The following SCD5 variants were observed in gnomAD, a reference collection of about 807,000 sequenced individuals.
The protein encoded by SCD5 is acyl-CoA-desaturase 4.
In SCD5, 20 loss-of-function variants were observed where a neutral mutation model predicts 30.4. The observed-to-expected ratio is 0.66, with a 90% CI of 0.46 to 0.96. The LOEUF is 0.96. Among genes scored for constraint, SCD5 ranks in the 40% least tolerant of loss-of-function variants. The probability of loss-of-function intolerance (pLI) is 0.00; values close to 1 mark genes in which losing one functional copy is unlikely to be tolerated. For synonymous variants in SCD5, 173 were observed against 176.4 expected (o/e 0.98, Z 0.16); for missense variants, 381 against 443.3 (o/e 0.86, Z 1.26).
At chr4:82,640,280 G>C (rs564686080) in intron 3 of SCD5, among the ~76,000 whole-genome samples, 4 of 152,168 alleles carry the variant, frequency 2.6e-5, no homozygotes, top group Non-Finnish European at 5.9e-5. Flanking sequence ...CCCTGTGGAC[G>C]GACAGCACTA....
chr4:82,774,178 G>A (rs941492289), intron 1 of SCD5, among the ~76,000 whole-genome samples: 5 of 151,026 alleles, frequency 3.3e-5, no homozygotes, highest in African/African-American at 1.2e-4. Context: ...TGTGCATGAG[G>A]ATGAAGCTAC....
intron 2 of SCD5, among the ~76,000 whole-genome samples, chr4:82,691,417 G>C (rs72661264): frequency 2.0e-5 from 3 of 152,292 alleles, no homozygotes; most frequent in Non-Finnish European, 4.4e-5. Flanking sequence ...CAGGTAGAGG[G>C]AAGGACTTGG....
intron 1 of SCD5, among the ~76,000 whole-genome samples, chr4:82,731,326 G>A (rs1036092838): frequency 6.6e-6 from 1 of 152,194 alleles, no homozygotes; most frequent in Non-Finnish European, 1.5e-5. Flanking sequence ...GACAGCCTTG[G>A]GGAGCCCATC....
chr4:82,722,094 G>A lies in SCD5; in HGVS notation c.233-16681C>T, dbSNP rs115288852. Among the ~76,000 whole-genome samples the A allele has an allele frequency of 6.5e-3, 991 of 152,306 alleles. 6 individuals are homozygous for A. Among genetic ancestry groups the A allele is most frequent in the African/African-American group, 0.023 (952 of 41,566 alleles). ...GTGTTTATTTATTACTATAAAAAGA[G>A]TCAAGCTGCACCTCTGTAGAAGATT... On this transcript the variant is annotated intron_variant, in intron 1 of 4. Transcript: ENST00000319540.
chr4:82,749,069 A>G (rs1560552205), intron 1 of SCD5, among the ~76,000 whole-genome samples: 1 of 152,226 alleles, frequency 6.6e-6, no homozygotes, highest in Non-Finnish European at 1.5e-5. Context: ...ACAAGTTTTT[A>G]TTAGTTTTAC....
chr4:82,732,594 C>T (rs1309201814), intron 1 of SCD5, among the ~76,000 whole-genome samples: 1 of 152,178 alleles, frequency 6.6e-6, no homozygotes, highest in Non-Finnish European at 1.5e-5. Flanking sequence ...CACCTTGTGC[C>T]TTGAGTTGCT....
intron 3 of SCD5, among the ~76,000 whole-genome samples, chr4:82,653,383 C>A (rs1727795573): frequency 6.6e-6 from 1 of 152,136 alleles, no homozygotes; most frequent in Non-Finnish European, 1.5e-5. Context: ...TAGACTCTCT[C>A]CCTGCCCGAG....
chr4:82,689,885 A>G (rs1560534686), intron 2 of SCD5, among the ~76,000 whole-genome samples: 1 of 152,230 alleles, frequency 6.6e-6, no homozygotes, highest in Non-Finnish European at 1.5e-5. Flanking sequence ...ATGCTAATGT[A>G]GTACTCCCAC....
intron 1 of SCD5, among the ~76,000 whole-genome samples, chr4:82,760,972 G>C (rs62311847): frequency 6.6e-6 from 1 of 152,210 alleles, no homozygotes. Flanking sequence ...GCCATTGGGA[G>C]AATTCAGAAT....
chr4:82,700,247 T>TA (rs1719790690), intron 2 of SCD5, among the ~76,000 whole-genome samples: 1 of 151,780 alleles, frequency 6.6e-6, no homozygotes, highest in South Asian at 2.1e-4. Flanking sequence ...AGAAAATATT[T>TA]AAGTAATAAT....
chr4:82,714,379 G>C (rs1314306705), intron 1 of SCD5, among the ~76,000 whole-genome samples: 1 of 152,144 alleles, frequency 6.6e-6, no homozygotes, highest in Non-Finnish European at 1.5e-5. Context: ...TCCAGGTCCA[G>C]ACAAGATAGG....
chr4:82,730,961 GAGCTGAC>G (rs1720631761), intron 1 of SCD5, among the ~76,000 whole-genome samples: 1 of 152,178 alleles, frequency 6.6e-6, no homozygotes, highest in South Asian at 2.1e-4. Context: ...CTCCAATCAA[GAGCTGAC>G]AGTCTCAAAA....
chr4:82,681,700 T>C (rs141159852), intron 2 of SCD5, among the ~76,000 whole-genome samples: 131 of 152,190 alleles, frequency 8.6e-4, no homozygotes, highest in African/African-American at 3.0e-3. Flanking sequence ...ACCTGGGTGA[T>C]GAAATAATCT....
chr4:82,647,052 T>C (rs1040365396), intron 3 of SCD5, among the ~76,000 whole-genome samples: 1 of 152,234 alleles, frequency 6.6e-6, no homozygotes, highest in Non-Finnish European at 1.5e-5. Context: ...CTCGAACTCC[T>C]GGCCTCTAGT....
At chr4:82,650,237 T>G (rs1447624804) in intron 3 of SCD5, among the ~76,000 whole-genome samples, 1 of 152,186 alleles carries the variant, frequency 6.6e-6, no homozygotes, top group African/African-American at 2.4e-5. Context: ...ATGAAGCTTA[T>G]AGTCTAATGA....
intron 3 of SCD5, among the ~76,000 whole-genome samples, chr4:82,637,996 C>T (rs1292415195): frequency 6.6e-6 from 1 of 152,132 alleles, no homozygotes; most frequent in Non-Finnish European, 1.5e-5. Flanking sequence ...ATGCTTTCCC[C>T]TCCCTGCCCC....
chr4:82,724,990 T>G (rs940607496), intron 1 of SCD5, among the ~76,000 whole-genome samples: 3 of 152,210 alleles, frequency 2.0e-5, no homozygotes, highest in Non-Finnish European at 4.4e-5. Flanking sequence ...GGTAGACATA[T>G]GTTGATTATA....
intron 3 of SCD5, among the ~76,000 whole-genome samples, chr4:82,643,616 G>A (rs1248500873): frequency 1.3e-5 from 2 of 152,170 alleles, no homozygotes; most frequent in Admixed American, 1.3e-4. Context: ...TGGGAATGAT[G>A]ACAAAGTTTT....
At chr4:82,698,917 C>T (rs889264626) in intron 2 of SCD5, among the ~76,000 whole-genome samples, 1 of 152,206 alleles carries the variant, frequency 6.6e-6, no homozygotes, top group Non-Finnish European at 1.5e-5. Context: ...CATTTGCTGT[C>T]TCTCCTACTG....
Sources: allele counts gnomAD v4.1 joint callset (sites outside exome capture counted in the v4.1 genomes callset), GRCh38; gene constraint gnomAD v4.1.1; transcripts MANE v1.5; gene names NCBI Gene and HGNC (gene_info 2026-07-23, HGNC 2026-07-21).